The following NR1H4 variants were observed in gnomAD, a reference collection of about 807,000 sequenced individuals.
NR1H4 encodes nuclear receptor subfamily 1 group H member 4.
A neutral mutation model predicts 58.5 loss-of-function variants in NR1H4; 23 were observed. The ratio of observed to expected loss-of-function variants is 0.39; its 90% CI spans 0.28 to 0.56. The LOEUF is 0.56. Among genes scored for constraint, NR1H4 ranks in the 20% least tolerant of loss-of-function variants. NR1H4 has a pLI of 0.58. For missense variants in NR1H4, 487 were observed against 576.9 expected (o/e 0.84, Z 1.60); for synonymous variants, 214 against 198.0 (o/e 1.08, Z -0.68).
intron 1 of NR1H4, among the ~76,000 whole-genome samples, chr12:100,478,079 T>C (rs1432884481): frequency 6.6e-6 from 1 of 152,106 alleles, no homozygotes; most frequent in African/African-American, 2.4e-5. Context: ...TAATGTAAAC[T>C]ATAGTCCTTC....
Position 100,534,928 on chromosome 12 carries a change from A to G in NR1H4, c.637A>G (p.Arg213Gly), listed in dbSNP as rs754287380. Residue 213 changes from arginine to glycine, a missense_variant, in exon 6 of 11, where the codon AGA (arginine) becomes GGA (glycine). Physicochemically the swap from Arg to Gly is moderately radical, Grantham distance 125. Coordinates refer to ENST00000392986, the MANE Select transcript of NR1H4 (RefSeq NM_001206979.2). ...TEIQCKSKRLRKNVKQHADQT... is the reference protein window; with the variant it reads ...TEIQCKSKRLGKNVKQHADQT... Reference sequence around the variant, plus strand: ...AATTCAGTGTAAATCTAAGCGACTGAGAAAAAATGTGAAGCAGCATGCAGA... The same window carrying G: ...AATTCAGTGTAAATCTAAGCGACTGGGAAAAAATGTGAAGCAGCATGCAGA... 80 of 1,614,108 alleles carry G rather than the reference A, an allele frequency of 5.0e-5. No individual in the cohort carries two copies. The highest frequency in any genetic ancestry group is 1.1e-4 in the East Asian group (5 of 44,892).
At chr12:100,490,811 T>C (rs1407500014) in intron 1 of NR1H4, among the ~76,000 whole-genome samples, 1 of 152,164 alleles carries the variant, frequency 6.6e-6, no homozygotes, top group Non-Finnish European at 1.5e-5. Context: ...CATTTTTCTT[T>C]TGAGACTTTA....
At chr12:100,541,536 C>A (rs1323911504) in intron 9 of NR1H4, among the ~76,000 whole-genome samples, 5 of 152,036 alleles carry the variant, frequency 3.3e-5, no homozygotes, top group Non-Finnish European at 7.4e-5. Flanking sequence ...CCTGACTTGG[C>A]CTTCCAAAGT....
intron 3 of NR1H4, among the ~76,000 whole-genome samples, chr12:100,510,192 A>G (rs533191898): frequency 4.6e-5 from 7 of 152,222 alleles, no homozygotes; most frequent in Admixed American, 1.3e-4. Flanking sequence ...ATACTTTTTC[A>G]TAGAGGTTCA....
intron 1 of NR1H4, among the ~76,000 whole-genome samples, chr12:100,479,845 G>A (rs1179202166): frequency 1.3e-5 from 2 of 152,160 alleles, no homozygotes; most frequent in Non-Finnish European, 2.9e-5. Flanking sequence ...TGCTTTTGCT[G>A]ATCACTCTGC....
chr12:100,512,344 T>C (rs1428210752), intron 4 of NR1H4, among the ~76,000 whole-genome samples: 1 of 151,820 alleles, frequency 6.6e-6, no homozygotes, highest in Admixed American at 6.6e-5. Flanking sequence ...AAATGAAATA[T>C]AAAAATGACA....
At chr12:100,485,909 A>G (rs1456514837) in intron 1 of NR1H4, among the ~76,000 whole-genome samples, 1 of 152,200 alleles carries the variant, frequency 6.6e-6, no homozygotes, top group Non-Finnish European at 1.5e-5. Context: ...TCACCTGTGA[A>G]TGTGCAATTT....
At chr12:100,496,840 G>A (rs1164452399) in intron 3 of NR1H4, among the ~76,000 whole-genome samples, 1 of 152,152 alleles carries the variant, frequency 6.6e-6, no homozygotes, top group Non-Finnish European at 1.5e-5. Flanking sequence ...ACTGGGTCCT[G>A]GAGACAATAA....
intron 3 of NR1H4, among the ~76,000 whole-genome samples, chr12:100,508,613 G>C (rs1199644773): frequency 1.3e-5 from 2 of 152,010 alleles, no homozygotes; most frequent in Non-Finnish European, 2.9e-5. Flanking sequence ...TTGTAAGTGG[G>C]GGTTAATAAT....
chr12:100,477,284 A>G (rs1441589937), intron 1 of NR1H4, among the ~76,000 whole-genome samples: 1 of 152,188 alleles, frequency 6.6e-6, no homozygotes, highest in Non-Finnish European at 1.5e-5. Flanking sequence ...CAGGAAAAAA[A>G]ATAAGATTTA....
In NR1H4 at chr12:100,485,835, CTAGTTCATTTTATAGTCATTTATTT is replaced by C. The variant is rs558491284; in HGVS notation, c.-189-6660_-189-6636del. Among the ~76,000 whole-genome samples, 1,024 of 152,142 alleles carry C rather than the reference CTAGTTCATTTTATAGTCATTTATTT, an allele frequency of 6.7e-3. 11 individuals carry two copies. The highest frequency in any genetic ancestry group is 0.024 in the African/African-American group (978 of 41,510). On this transcript the variant is annotated intron_variant, in intron 1 of 10. Coordinates refer to ENST00000392986, the MANE Select transcript of NR1H4 (RefSeq NM_001206979.2). ...AGGTGTGAGCCACTATGCCCAGCCG[CTAGTTCATTTTATAGTCATTTATTT>C]TAGTTCAGATTATAATTATTTTAAT...
At chr12:100,513,519 C>T (rs1349650983) in intron 4 of NR1H4, among the ~76,000 whole-genome samples, 5 of 152,210 alleles carry the variant, frequency 3.3e-5, no homozygotes, top group East Asian at 3.9e-4. Context: ...ATAGGCCGGA[C>T]GCTGTGGTTC....
chr12:100,506,417 G>A (rs1444646504), intron 3 of NR1H4, among the ~76,000 whole-genome samples: 1 of 152,174 alleles, frequency 6.6e-6, no homozygotes, highest in Non-Finnish European at 1.5e-5. Flanking sequence ...TTCTTTGGTT[G>A]TAAAGTTCCT....
At chr12:100,498,012 A>C (rs1274926748) in intron 3 of NR1H4, among the ~76,000 whole-genome samples, 1 of 152,190 alleles carries the variant, frequency 6.6e-6, no homozygotes, top group Admixed American at 6.5e-5. Flanking sequence ...GCACAGTGAC[A>C]CTGGGAATGG....
At chr12:100,489,805 T>C (rs983131277) in intron 1 of NR1H4, among the ~76,000 whole-genome samples, 5 of 152,236 alleles carry the variant, frequency 3.3e-5, no homozygotes, top group African/African-American at 4.8e-5. Context: ...TTGTTTACCA[T>C]GTGCTTGTGT....
At chr12:100,486,123 C>T (rs1430584089) in intron 1 of NR1H4, among the ~76,000 whole-genome samples, 2 of 152,050 alleles carry the variant, frequency 1.3e-5, no homozygotes, top group African/African-American at 4.8e-5. Flanking sequence ...GTGGTAGTGT[C>T]AGGAGGAGGT....
chr12:100,492,704 A>G (rs1342937337), intron 2 of NR1H4, 67 bp downstream of exon 2: 1 of 152,662 alleles, frequency 6.6e-6, no homozygotes, highest in African/African-American at 2.4e-5. Context: ...ATACATGACC[A>G]AGGTAGATCA....
At chr12:100,487,282 G>C (rs978280622) in intron 1 of NR1H4, among the ~76,000 whole-genome samples, 2 of 152,138 alleles carry the variant, frequency 1.3e-5, no homozygotes, top group South Asian at 2.1e-4. Context: ...ATGCTTTGCT[G>C]TATTGCCTCA....
intron 9 of NR1H4, among the ~76,000 whole-genome samples, chr12:100,542,094 C>G (rs1954950391): frequency 6.6e-6 from 1 of 151,896 alleles, no homozygotes; most frequent in Admixed American, 6.6e-5. Context: ...GCCTATAATC[C>G]CAGAACTTTG....
Sources: gnomAD v4.1 joint callset for allele counts (sites outside exome capture counted in the v4.1 genomes callset) on GRCh38, gnomAD v4.1.1 for gene constraint, MANE v1.5 for transcripts, NCBI Gene and HGNC (gene_info 2026-07-23, HGNC 2026-07-21) for gene names.